The following MAMDC2 variants were observed in gnomAD, a reference collection of about 807,000 sequenced individuals.
MAMDC2 encodes the protein MAM domain-containing protein 2.
MAMDC2 carries 57 observed loss-of-function variants against 89.8 expected under a neutral mutation model. The observed-to-expected ratio is 0.63, with a 90% CI of 0.51 to 0.79. MAMDC2 has a LOEUF of 0.79. Ranked by LOEUF, MAMDC2 falls within the 30% of genes least tolerant of loss-of-function variation. MAMDC2 has a pLI of 0.00. For synonymous variants in MAMDC2, 313 were observed against 293.4 expected, an observed-to-expected ratio of 1.07 and a Z score of -0.68; for missense variants, 800 against 820.6, an observed-to-expected ratio of 0.97 and a Z score of 0.31.
At chr9:70,137,982 G>A (rs2031069228) in intron 7 of MAMDC2, among the ~76,000 whole-genome samples, 1 of 152,148 alleles carries the variant, frequency 6.6e-6, no homozygotes, top group Admixed American at 6.6e-5. Flanking sequence ...TGTTAAGTGA[G>A]GATTTTAGGG....
chr9:70,190,075 A>C (rs1323245814), intron 11 of MAMDC2, among the ~76,000 whole-genome samples: 1 of 152,148 alleles, frequency 6.6e-6, no homozygotes, highest in Non-Finnish European at 1.5e-5. Context: ...TAGTAAGTCC[A>C]ATGTCTTGAC....
rs1473366331 is a variant in MAMDC2 at position 70,168,764 on chromosome 9, T to TTCC, written c.1467_1468insTCC (p.Ile489_Thr490insSer). 2 of 1,614,088 alleles carry TTCC rather than the reference T, an allele frequency of 1.2e-6. No individual in the cohort carries two copies. Among genetic ancestry groups the TTCC allele is most frequent in the Non-Finnish European group, 1.7e-6 (2 of 1,179,972 alleles). ...GTGGGCTTGTAGCCCTGGATGACATTACAATACAATTGGGAAGCTGCTCAT... is the reference window on the plus strand; with the variant it reads ...GTGGGCTTGTAGCCCTGGATGACATTTCCACAATACAATTGGGAAGCTGCTCAT... On this transcript the variant is annotated inframe_insertion, in exon 10 of 14. Coordinates refer to ENST00000377182, the MANE Select transcript of MAMDC2 (RefSeq NM_153267.5).
chr9:70,066,521 AGG>A (rs1164298301), intron 2 of MAMDC2, among the ~76,000 whole-genome samples: 1 of 152,052 alleles, frequency 6.6e-6, no homozygotes, highest in Non-Finnish European at 1.5e-5. Flanking sequence ...AAGGGGAGGT[AGG>A]GGGGCAGCTA....
intron 5 of MAMDC2, among the ~76,000 whole-genome samples, chr9:70,118,532 G>A (rs958674321): frequency 6.6e-6 from 1 of 152,156 alleles, no homozygotes; most frequent in Admixed American, 6.5e-5. Flanking sequence ...AAAGGAAAGA[G>A]GTTCCCTCTC....
chr9:70,121,562 A>C (rs891764111), intron 5 of MAMDC2, among the ~76,000 whole-genome samples: 3 of 152,194 alleles, frequency 2.0e-5, no homozygotes, highest in Non-Finnish European at 2.9e-5. Context: ...CATTTCCCCC[A>C]TATAACCTCT....
chr9:70,196,889 CAGAA>C (rs776818194), intron 11 of MAMDC2, among the ~76,000 whole-genome samples: 1 of 151,982 alleles, frequency 6.6e-6, no homozygotes, highest in Non-Finnish European at 1.5e-5. Context: ...GCAACATAAT[CAGAA>C]AGCATGGGTG....
At chr9:70,204,374 CA>C (rs2033171631) in intron 11 of MAMDC2, among the ~76,000 whole-genome samples, 2 of 151,780 alleles carry the variant, frequency 1.3e-5, no homozygotes, top group Non-Finnish European at 2.9e-5. Context: ...GCTCGGGGGT[CA>C]GGGGTCAGGG....
intron 11 of MAMDC2, among the ~76,000 whole-genome samples, chr9:70,195,610 C>A (rs1401266078): frequency 6.6e-6 from 1 of 152,038 alleles, no homozygotes; most frequent in Non-Finnish European, 1.5e-5. Context: ...TCCATCCTAC[C>A]CAGCATGCGA....
At chr9:70,092,208 T>G (rs1271561795) in intron 2 of MAMDC2, 1 of 152,128 alleles carries the variant, frequency 6.6e-6, no homozygotes, top group East Asian at 1.9e-4. Context: ...AGTAAGCAGA[T>G]AAGAAGAGTG....
chr9:70,211,074 C>G (rs185764790), intron 11 of MAMDC2, among the ~76,000 whole-genome samples: 1 of 152,246 alleles, frequency 6.6e-6, no homozygotes, highest in Admixed American at 6.5e-5. Flanking sequence ...CCTCCATTTC[C>G]ACTTTGGTGA....
At chr9:70,172,721 T>C (rs1008509408) in intron 11 of MAMDC2, 1 of 152,832 alleles carries the variant, frequency 6.5e-6, no homozygotes, top group Non-Finnish European at 1.5e-5. Context: ...ACCTCTTTTC[T>C]TGCTGCTTCA....
At position 70,057,181 on chromosome 9, in the gene MAMDC2, G is replaced by C. The variant is rs749700244; in HGVS notation, c.148+12484G>C. ...CCTGGTGCCAAAAAGTTTGGGGACT[G>C]TTGCTTTAAAGAGTATTGAATTCAA... is the stretch of plus-strand genomic sequence containing the variant. On this transcript the variant is annotated intron_variant, in intron 2 of 13. Coordinates refer to ENST00000377182, the MANE Select transcript of MAMDC2 (RefSeq NM_153267.5). Among the ~76,000 whole-genome samples, 6 of 152,192 alleles carry C rather than the reference G, an allele frequency of 3.9e-5. No individual in the cohort carries two copies. In the South Asian group the frequency reaches 1.2e-3, roughly 32 times the overall value.
chr9:70,167,767 T>C (rs1369896334), intron 9 of MAMDC2, among the ~76,000 whole-genome samples: 1 of 152,226 alleles, frequency 6.6e-6, no homozygotes. Context: ...TAATAATTTA[T>C]GGTATGGATT....
intron 11 of MAMDC2, among the ~76,000 whole-genome samples, chr9:70,177,067 A>C (rs1376872833): frequency 6.6e-6 from 1 of 152,218 alleles, no homozygotes; most frequent in Non-Finnish European, 1.5e-5. Context: ...TCTCAATTTC[A>C]CAGACAGAAG....
chr9:70,174,575 T>C (rs2032440525), intron 11 of MAMDC2, among the ~76,000 whole-genome samples: 2 of 151,986 alleles, frequency 1.3e-5, no homozygotes, highest in Admixed American at 1.3e-4. Context: ...GCCCCATAAG[T>C]GAAAGCATGC....
chr9:70,066,859 C>T (rs571903102), intron 2 of MAMDC2, among the ~76,000 whole-genome samples: 20 of 152,148 alleles, frequency 1.3e-4, no homozygotes, highest in South Asian at 4.2e-4. Context: ...TGGGATTTGC[C>T]GATAAAGTAA....
At chr9:70,075,241 C>T (rs1827505952) in intron 2 of MAMDC2, among the ~76,000 whole-genome samples, 1 of 152,160 alleles carries the variant, frequency 6.6e-6, no homozygotes, top group South Asian at 2.1e-4. Flanking sequence ...GATTTCAAAT[C>T]CAGGACCCTA....
intron 5 of MAMDC2, among the ~76,000 whole-genome samples, chr9:70,115,307 A>G (rs1387488525): frequency 1.3e-5 from 2 of 152,096 alleles, no homozygotes; most frequent in Middle Eastern, 3.4e-3. Context: ...CAAAAAAAAA[A>G]GCATGTTTAT....
rs994444287 is a variant in MAMDC2 at position 70,136,143 on chromosome 9, C to A, written c.995-4002C>A. On this transcript the variant is annotated intron_variant, in intron 7 of 13. Transcript: ENST00000377182. ...TCCAGCCTGGACCACAAAGTGGGAC[C>A]CTTTCTCAAAAACAAAAAGCAAACA... Among the ~76,000 whole-genome samples, 7 of 152,148 alleles carry A rather than the reference C, an allele frequency of 4.6e-5. No homozygotes were observed. In the East Asian group the frequency reaches 1.4e-3, roughly 29 times the overall value.
Sources: allele counts gnomAD v4.1 joint callset (sites outside exome capture counted in the v4.1 genomes callset), GRCh38; gene constraint gnomAD v4.1.1; transcripts MANE v1.5; gene names NCBI Gene and HGNC (gene_info 2026-07-23, HGNC 2026-07-21).